CACNA2D3: variants seen among roughly 807,000 people sequenced by gnomAD.
The protein encoded by CACNA2D3 is voltage-dependent calcium channel subunit alpha-2/delta-3.
CACNA2D3 carries 60 observed loss-of-function variants against 160.6 expected under a neutral mutation model. The observed-to-expected ratio is 0.37, with a 90% confidence interval of 0.30 to 0.46. The LOEUF (loss-of-function observed/expected upper bound fraction) is 0.46. CACNA2D3 is among the 20% of genes least tolerant of loss of function. CACNA2D3 has a pLI of 1.00. For synonymous variants in CACNA2D3, 558 were observed against 492.9 expected (o/e 1.13, Z -1.75); for missense variants, 1,205 against 1,365.0 (o/e 0.88, Z 1.85).
At chr3:54,735,863 GA>G (rs912258943) in intron 11 of CACNA2D3, among the ~76,000 whole-genome samples, 8 of 147,724 alleles carry the variant, frequency 5.4e-5, no homozygotes, top group Non-Finnish European at 1.0e-4. Flanking sequence ...AGAAAATTTG[GA>G]AAAAAAATAA....
chr3:55,011,934 A>AT (rs1703219485), intron 34 of CACNA2D3, among the ~76,000 whole-genome samples: 1 of 152,022 alleles, frequency 6.6e-6, no homozygotes, highest in Non-Finnish European at 1.5e-5. Context: ...AAAAAATGAG[A>AT]TTTAAAAAAA....
chr3:54,934,790 G>C (rs1701288159), intron 27 of CACNA2D3, among the ~76,000 whole-genome samples: 1 of 152,152 alleles, frequency 6.6e-6, no homozygotes. Context: ...GGAGTGCAGT[G>C]GCGCTATCGT....
intron 2 of CACNA2D3, among the ~76,000 whole-genome samples, chr3:54,313,375 C>T (rs1410360880): frequency 6.6e-6 from 1 of 152,092 alleles, no homozygotes; most frequent in Admixed American, 6.5e-5. Flanking sequence ...ACTTCCTTGT[C>T]TCCATCCAGT....
intron 9 of CACNA2D3, among the ~76,000 whole-genome samples, chr3:54,611,466 TTTTGTC>T (rs1053037220): frequency 3.9e-5 from 6 of 152,238 alleles, no homozygotes; most frequent in African/African-American, 1.2e-4. Context: ...CCAGGTGCTC[TTTTGTC>T]TTTGTCTTTA....
intron 13 of CACNA2D3, among the ~76,000 whole-genome samples, chr3:54,805,664 T>G (rs1365709290): frequency 6.6e-6 from 1 of 152,128 alleles, no homozygotes; most frequent in Non-Finnish European, 1.5e-5. Flanking sequence ...ACTATTCCAG[T>G]CAATAGAAAA....
At chr3:54,854,731 G>A (rs1575512880) in intron 17 of CACNA2D3, among the ~76,000 whole-genome samples, 1 of 152,094 alleles carries the variant, frequency 6.6e-6, no homozygotes, top group Non-Finnish European at 1.5e-5. Flanking sequence ...TGTGTGTGAA[G>A]ATTCTCTATA....
intron 2 of CACNA2D3, among the ~76,000 whole-genome samples, chr3:54,286,586 A>G (rs1375860996): frequency 6.6e-6 from 1 of 152,180 alleles, no homozygotes; most frequent in East Asian, 1.9e-4. Context: ...GAACGCCACA[A>G]AGATATTCCT....
At chr3:54,486,087 A>T (rs896918923) in intron 4 of CACNA2D3, among the ~76,000 whole-genome samples, 1 of 152,228 alleles carries the variant, frequency 6.6e-6, no homozygotes. Context: ...GTGAGTGAGT[A>T]GTTCTCTTTT....
Position 54,717,718 on chromosome 3 carries a change from CGTGTGCGGTGTGTGT to C in CACNA2D3, c.1168-34877_1168-34863del, listed in dbSNP as rs1559557611. ...CGTGTGTGTGGTGTGTGCATGTGTG[CGTGTGCGGTGTGTGT>C]GTGCATGTGTGGTGTGGTGTGTGCA... On this transcript the variant is annotated intron_variant, in intron 11 of 37. Transcript: ENST00000474759. Among the ~76,000 whole-genome samples, 9 of 110,680 alleles carry C rather than the reference CGTGTGCGGTGTGTGT, an allele frequency of 8.1e-5. No individual in the cohort carries two copies. The East Asian group carries it at 2.0e-3, about 25-fold the overall frequency. 72.6% of individuals were successfully genotyped at this position (110,680 alleles called of 152,430 possible).
chr3:54,942,824 A>G (rs952211074), intron 27 of CACNA2D3, among the ~76,000 whole-genome samples: 14 of 152,120 alleles, frequency 9.2e-5, no homozygotes, highest in African/African-American at 3.4e-4. Context: ...GGAGATTGAG[A>G]CAATCCTGGC....
intron 4 of CACNA2D3, among the ~76,000 whole-genome samples, chr3:54,498,067 G>C (rs1232797920): frequency 6.7e-6 from 1 of 149,082 alleles, no homozygotes; most frequent in Non-Finnish European, 1.5e-5. Context: ...TAAAGTTCTT[G>C]TTTGGTGTCA....
intron 3 of CACNA2D3, among the ~76,000 whole-genome samples, chr3:54,368,329 C>G (rs1258169648): frequency 6.6e-6 from 1 of 152,044 alleles, no homozygotes; most frequent in Non-Finnish European, 1.5e-5. Flanking sequence ...AACAAAACCC[C>G]AAAACAAATA....
chr3:54,973,904 A>G (rs1702328283), intron 29 of CACNA2D3, among the ~76,000 whole-genome samples: 1 of 152,202 alleles, frequency 6.6e-6, no homozygotes, highest in Non-Finnish European at 1.5e-5. Context: ...AGTAGCAAGG[A>G]GTGGCACCTT....
intron 4 of CACNA2D3, among the ~76,000 whole-genome samples, chr3:54,499,129 A>C (rs951100084): frequency 2.0e-5 from 3 of 152,136 alleles, no homozygotes; most frequent in African/African-American, 7.2e-5. Flanking sequence ...TAGTATTGCT[A>C]CAGGACCAAC....
intron 27 of CACNA2D3, among the ~76,000 whole-genome samples, chr3:54,917,679 C>T (rs1700695733): frequency 6.6e-6 from 1 of 152,234 alleles, no homozygotes; most frequent in Non-Finnish European, 1.5e-5. Context: ...AGGTTCCAAT[C>T]CCTTGGTGGA....
intron 2 of CACNA2D3, among the ~76,000 whole-genome samples, chr3:54,314,160 G>T (rs1212245119): frequency 6.6e-6 from 1 of 152,108 alleles, no homozygotes; most frequent in Non-Finnish European, 1.5e-5. Context: ...ATGATGTTTG[G>T]TTTTCTATTC....
In CACNA2D3 at chr3:54,280,049, C is replaced by CTTGT. The variant is rs370472128; in HGVS notation, c.205-40374_205-40371dup. Among the ~76,000 whole-genome samples, 741 of 150,720 alleles carry CTTGT rather than the reference C, an allele frequency of 4.9e-3. 30 individuals carry two copies. The East Asian group carries it at 0.084, about 17-fold the overall frequency. The stretch of plus-strand genomic sequence containing the variant: ...GCATAAGTGAAACCAACAAAGATGA[C>CTTGT]TTGTTTGTTTGTTTGTTTGTTTATT... On this transcript the variant is annotated intron_variant, in intron 2 of 37. Coordinates refer to ENST00000474759, the MANE Select transcript of CACNA2D3 (RefSeq NM_018398.3).
chr3:54,579,860 A>AT (rs1167345307), intron 8 of CACNA2D3, among the ~76,000 whole-genome samples: 2 of 152,118 alleles, frequency 1.3e-5, no homozygotes, highest in Admixed American at 6.6e-5. Flanking sequence ...TCATAAATAT[A>AT]TTTTTTCTCC....
At chr3:54,893,804 G>A (rs1700123468) in intron 25 of CACNA2D3, among the ~76,000 whole-genome samples, 1 of 151,932 alleles carries the variant, frequency 6.6e-6, no homozygotes, top group Non-Finnish European at 1.5e-5. Flanking sequence ...TGTGCCTTCA[G>A]TACGACTTCT....
Sources: gnomAD v4.1 joint callset for allele counts (sites outside exome capture counted in the v4.1 genomes callset) on GRCh38, gnomAD v4.1.1 for gene constraint, MANE v1.5 for transcripts, NCBI Gene and HGNC (gene_info 2026-07-23, HGNC 2026-07-21) for gene names.